ECE1: variants seen among roughly 807,000 people sequenced by gnomAD.
ECE1 encodes the protein endothelin converting enzyme 1.
ECE1 carries 35 observed loss-of-function variants against 98.6 expected under a neutral mutation model. The observed-to-expected ratio is 0.35, with a 90% CI of 0.27 to 0.47. The LOEUF is 0.47. Among genes scored for constraint, ECE1 ranks in the 20% least tolerant of loss-of-function variants. The pLI is 1.00. For synonymous variants in ECE1, 394 were observed against 407.1 expected (o/e 0.97, Z 0.39); for missense variants, 814 against 1,025.3 (o/e 0.79, Z 2.81).
intron 8 of ECE1, among the ~76,000 whole-genome samples, chr1:21,251,433 T>A (rs2098212703): frequency 6.6e-6 from 1 of 152,132 alleles, no homozygotes; most frequent in African/African-American, 2.4e-5. Flanking sequence ...GAGAATCACT[T>A]GAGCCTGGGA....
Position 21,233,168 on chromosome 1 carries a change from C to T in ECE1, c.1670+390G>A, listed in dbSNP as rs139947235. 8 of 191,626 alleles carry T rather than the reference C, an allele frequency of 4.2e-5. No individual in the cohort carries two copies. Among genetic ancestry groups the T allele is most frequent in the African/African-American group, 9.4e-5 (4 of 42,654 alleles). The allele number at this position is 191,626 out of a possible 1,614,324, so 11.9% of individuals were successfully genotyped here. A position where few individuals can be genotyped will look rare whatever the true frequency, so the allele number is the denominator to read the frequency against. On this transcript the variant is annotated intron_variant, in intron 14 of 18. Coordinates refer to ENST00000374893, the MANE Select transcript of ECE1 (RefSeq NM_001397.3). This position sits in a 1 kb window ranked among gnomAD's most constrained non-coding sequence, Gnocchi z 4.0. The stretch of plus-strand genomic sequence containing the variant: ...TTGCTGGGGCCTCCTTGGGGTCTGG[C>T]GCTCCCCAGAGGTCCTCACATTTGA...
intron 4 of ECE1, among the ~76,000 whole-genome samples, chr1:21,266,312 G>T (rs1244708059): frequency 6.6e-6 from 1 of 152,134 alleles, no homozygotes; most frequent in Non-Finnish European, 1.5e-5. Context: ...CCAGGAGCCT[G>T]TGGGGCCCTG....
rs961662715 is a variant in ECE1 at position 21,235,982 on chromosome 1, T to A, written c.1489-55A>T. 1.9e-6 allele frequency: 3 copies of A among 1,546,700 alleles called. No homozygotes were observed. Among genetic ancestry groups the A allele is most frequent in the Non-Finnish European group, 2.7e-6 (3 of 1,118,778 alleles). On this transcript the variant is annotated intron_variant, in intron 12 of 18. Coordinates refer to ENST00000374893, the MANE Select transcript of ECE1 (RefSeq NM_001397.3). The surrounding 1 kb of genome is among the most constrained non-coding windows in gnomAD (Gnocchi z 4.2). Reference sequence around the variant, plus strand: ...CCCGGCAACATCGACCAGGCCAGCCTGAGCAACTTGGGTGCTGGGCTCATA... The same window carrying A: ...CCCGGCAACATCGACCAGGCCAGCCAGAGCAACTTGGGTGCTGGGCTCATA...
At chr1:21,284,969 T>C (rs2098258968) in intron 2 of ECE1, among the ~76,000 whole-genome samples, 1 of 152,110 alleles carries the variant, frequency 6.6e-6, no homozygotes, top group South Asian at 2.1e-4. Context: ...CAGCCCAGCC[T>C]GCGAGGAACC....
intron 1 of ECE1, among the ~76,000 whole-genome samples, chr1:21,309,043 G>T (rs1419437625): frequency 6.6e-6 from 1 of 152,174 alleles, no homozygotes; most frequent in Non-Finnish European, 1.5e-5. Context: ...TCGCTAGTTG[G>T]GACTGGAACT....
chr1:21,240,344 G>A (rs557785630), intron 10 of ECE1, among the ~76,000 whole-genome samples: 10 of 151,822 alleles, frequency 6.6e-5, no homozygotes, highest in African/African-American at 1.9e-4. Flanking sequence ...AAAATTAGCC[G>A]GGTGTGGTGG....
chr1:21,249,939 AT>A (rs71014176), intron 8 of ECE1, among the ~76,000 whole-genome samples: 5,312 of 134,714 alleles, frequency 0.039, 243 homozygotes, highest in African/African-American at 0.11. Context: ...ACCTTGGCTA[AT>A]TTTTTTTTTT....
intron 1 of ECE1, among the ~76,000 whole-genome samples, chr1:21,315,984 C>T (rs1225163469): frequency 6.6e-6 from 1 of 152,160 alleles, no homozygotes; most frequent in African/African-American, 2.4e-5. Flanking sequence ...AGTCAGCTTA[C>T]CTGTGATTTG....
intron 5 of ECE1, among the ~76,000 whole-genome samples, chr1:21,259,774 AG>A (rs963715735): frequency 6.6e-6 from 1 of 152,188 alleles, no homozygotes; most frequent in African/African-American, 2.4e-5. Flanking sequence ...AAAGCAAGAA[AG>A]ATGTCTTCCC....
chr1:21,286,924 G>GAA (rs1352294824), intron 2 of ECE1, among the ~76,000 whole-genome samples: 3 of 122,720 alleles, frequency 2.4e-5, no homozygotes, highest in African/African-American at 8.7e-5. Context: ...TCAAAAAAAA[G>GAA]AAAAAAAAAA....
At chr1:21,344,351 C>T (rs1424651842) in intron 1 of ECE1, among the ~76,000 whole-genome samples, 2 of 152,218 alleles carry the variant, frequency 1.3e-5, no homozygotes, top group Non-Finnish European at 2.9e-5. Flanking sequence ...AGCCACCATC[C>T]CAGGCACATG....
intron 1 of ECE1, among the ~76,000 whole-genome samples, chr1:21,326,855 A>G (rs1457286527): frequency 1.3e-5 from 2 of 152,140 alleles, no homozygotes; most frequent in Non-Finnish European, 2.9e-5. Flanking sequence ...GGGTCTCCCC[A>G]GCCTTTGGCC....
upstream of ECE1, chr1:21,294,017 C>G (rs1638279786): frequency 6.6e-6 from 1 of 152,502 alleles, no homozygotes; most frequent in Non-Finnish European, 1.5e-5. The surrounding 1 kb of genome is among the most constrained non-coding windows in gnomAD (Gnocchi z 4.2). Context: ...GACCTCCCCC[C>G]AGCCCTGAGT....
Position 21,233,637 on chromosome 1 carries a change from A to T in ECE1, c.1591T>A (p.Phe531Ile). The T allele has an allele frequency of 6.2e-7, 1 of 1,614,020 alleles. No individual in the cohort carries two copies. The highest frequency in any genetic ancestry group is 8.5e-7 in the Non-Finnish European group (1 of 1,179,940). Residue 531 changes from phenylalanine to isoleucine, a missense_variant, in exon 14 of 19, where the codon TTT (phenylalanine) becomes ATT (isoleucine). By Grantham distance (21) the Phe-to-Ile change is conservative. Around this residue, in one of 3 missense-constraint regions of ECE1, gnomAD observed 452 missense variants for 567.3 expected, o/e 0.80. Coordinates refer to ENST00000374893, the MANE Select transcript of ECE1 (RefSeq NM_001397.3). This position sits in a 1 kb window ranked among gnomAD's most constrained non-coding sequence, Gnocchi z 4.0. Reference protein sequence around the residue: ...NDYTAVPDLYFENAMRFFNFS... With the variant: ...NDYTAVPDLYIENAMRFFNFS... ...TTGAAAAACCGCATGGCATTTTCAA[A>T]GTAGAGGTCTGGAACTGCAGTGTAC...
chr1:21,304,404 T>TC (rs1190617764), intron 1 of ECE1, among the ~76,000 whole-genome samples: 2 of 140,496 alleles, frequency 1.4e-5, no homozygotes, highest in East Asian at 4.7e-4. Flanking sequence ...AGTGGCCACC[T>TC]CCTCTGGACA....
Position 21,290,095 on chromosome 1 carries a change from C to T in ECE1, c.113G>A (p.Gly38Asp). 6.5e-7 allele frequency: 1 copy of T among 1,547,802 alleles called. No individual in the cohort carries two copies. The highest frequency in any genetic ancestry group is 8.7e-7 in the Non-Finnish European group (1 of 1,147,664). The change falls in exon 2 of 19, where the codon GGC becomes GAC. Residue 38 changes from glycine (G) to aspartate (D), a missense_variant. By Grantham distance (94) the Gly-to-Asp change is moderately conservative. This residue lies in a region of ECE1 where 257 missense variants were observed against 278.9 expected (regional missense o/e 0.92). Transcript: ENST00000374893. This position sits in a 1 kb window ranked among gnomAD's most constrained non-coding sequence, Gnocchi z 7.3. Reference protein sequence around the residue: ...EEDLVDSLSEGDAYPNGLQVN... With the variant: ...EEDLVDSLSEDDAYPNGLQVN... ...CTGCAGGCCGTTGGGGTATGCGTCG[C>T]CCTCGGAGAGCGAGTCCACCAGGTC...
At chr1:21,338,538 G>C (rs570905774) in intron 1 of ECE1, among the ~76,000 whole-genome samples, 24 of 152,340 alleles carry the variant, frequency 1.6e-4, no homozygotes, top group African/African-American at 5.8e-4. Flanking sequence ...TTCAAACCCA[G>C]ATTTGCACAA....
intron 10 of ECE1, among the ~76,000 whole-genome samples, chr1:21,240,214 T>C (rs1427437966): frequency 6.7e-6 from 1 of 149,858 alleles, no homozygotes; most frequent in Non-Finnish European, 1.5e-5. Flanking sequence ...AAGGCCGGGA[T>C]GGTGGCTCAC....
intron 10 of ECE1, among the ~76,000 whole-genome samples, chr1:21,240,338 T>G (rs2098194436): frequency 6.6e-6 from 1 of 151,658 alleles, no homozygotes; most frequent in South Asian, 2.1e-4. Context: ...AATACAAAAA[T>G]TAGCCGGGTG....
Sources: gnomAD v4.1 joint callset for allele counts (sites outside exome capture counted in the v4.1 genomes callset) on GRCh38, gnomAD v4.1.1 for gene constraint, gnomAD v4.1.1 regional missense constraint, Gnocchi (gnomAD v3.1) non-coding constraint, MANE v1.5 for transcripts, NCBI Gene and HGNC (gene_info 2026-07-23, HGNC 2026-07-21) for gene names.